E4F1: variants seen among roughly 807,000 people sequenced by gnomAD.
E4F1 encodes the protein transcription factor E4F1.
Under a neutral mutation model 72.9 loss-of-function variants are expected in E4F1, and 30 were observed. The ratio of observed to expected loss-of-function variants is 0.41; its 90% confidence interval spans 0.31 to 0.56. The LOEUF (loss-of-function observed/expected upper bound fraction) is 0.56, where lower values mean the gene tolerates loss of function less well. Ranked by LOEUF, E4F1 falls within the 20% of genes least tolerant of loss-of-function variation. The pLI is 0.25. For missense variants in E4F1, 1,091 were observed against 1,117.5 expected (o/e 0.98, Z 0.34); for synonymous variants, 542 against 478.2 (o/e 1.13, Z -1.74).
At position 2,229,747 on chromosome 16, in the gene E4F1, G is replaced by C. The variant is rs59563983; in HGVS notation, c.415+72G>C. On this transcript the variant is annotated intron_variant, in intron 3 of 13. Coordinates refer to ENST00000301727, the MANE Select transcript of E4F1 (RefSeq NM_004424.5). ...GGGGCCAGAGGATGGGGCCCCTGCT[G>C]CCTGTATGCTCGTCTCTCCCGAGAC... 4 of 1,513,724 alleles carry C rather than the reference G, an allele frequency of 2.6e-6. No individual in the cohort carries two copies. In the East Asian group the frequency reaches 9.1e-5, roughly 34 times the overall value. The allele number at this position is 1,513,724 out of a possible 1,614,324, so 93.8% of individuals were successfully genotyped here.
intron 1 of E4F1, among the ~76,000 whole-genome samples, chr16:2,224,321 C>A (rs1271646092): frequency 2.0e-5 from 3 of 152,258 alleles, no homozygotes; most frequent in Admixed American, 1.3e-4. Context: ...GGGTAGGTGA[C>A]CCTACCTCTG....
intron 2 of E4F1, among the ~76,000 whole-genome samples, 153 bp downstream of exon 2, chr16:2,228,676 T>G (rs2093447418): frequency 1.3e-5 from 2 of 152,010 alleles, no homozygotes; most frequent in South Asian, 4.1e-4. Flanking sequence ...AGGGTCCGGG[T>G]GTGTGAGCCT....
intron 1 of E4F1, among the ~76,000 whole-genome samples, chr16:2,224,466 A>G (rs191517583): frequency 6.6e-6 from 1 of 152,212 alleles, no homozygotes; most frequent in Non-Finnish European, 1.5e-5. Flanking sequence ...CATTTTGGGG[A>G]TGAGGAAAAT....
intron 1 of E4F1, chr16:2,223,977 C>G (rs756374186): frequency 1.3e-6 from 2 of 1,506,932 alleles, no homozygotes; most frequent in African/African-American, 2.8e-5. Flanking sequence ...CCTGTCATCC[C>G]CCCTCTCTGG....
rs777218258 is a variant in E4F1, at chr16:2,223,654, C to G, written c.41C>G (p.Thr14Arg). Residue 14 changes from threonine to arginine, a missense_variant, in exon 1 of 14, where the codon ACG (threonine) becomes AGG (arginine). Around this residue, in one of 5 missense-constraint regions of E4F1, gnomAD observed 362 missense variants for 358.6 expected, o/e 1.01. Coordinates refer to ENST00000301727, the MANE Select transcript of E4F1 (RefSeq NM_004424.5). ...GCAGTGCGGGTGACGGCCGCTCATA[C>G]GGCAGAAGCCCAGGCCGAAGCCGGG... Reference protein sequence around the residue: ...AMAVRVTAAHTAEAQAEAGRE... With the variant: ...AMAVRVTAAHRAEAQAEAGRE... 6.3e-7 allele frequency: 1 copy of G among 1,588,918 alleles called. No homozygotes were observed. The highest frequency in any genetic ancestry group is 8.5e-7 in the Non-Finnish European group (1 of 1,173,722).
intron 1 of E4F1, among the ~76,000 whole-genome samples, chr16:2,225,731 C>T (rs1411938748): frequency 2.7e-5 from 4 of 148,912 alleles, no homozygotes; most frequent in African/African-American, 9.9e-5. Context: ...CTCAGCCTCC[C>T]AAAGTGCTGG....
At chr16:2,233,385 G>A in intron 7 of E4F1, 53 bp from the exon 8 acceptor site, 1 of 1,472,420 alleles carries the variant, frequency 6.8e-7, no homozygotes, top group Non-Finnish European at 9.0e-7. Context: ...CCATGGGGTG[G>A]GTGCTGGATG....
chr16:2,234,669 C>T lies in E4F1; in HGVS notation c.1680C>T (p.Gly560=). 6.3e-7 allele frequency: 1 copy of T among 1,587,898 alleles called. No individual in the cohort carries two copies. The highest frequency in any genetic ancestry group is 1.1e-5 in the South Asian group (1 of 87,640). The part of the protein sequence containing the change: ...QFCSRGFREK[G]SLVRHVRHHT... Reference sequence around the variant, plus strand: ...GCAGCCGTGGCTTCCGAGAGAAGGGCTCACTGGTGCGGCACGTGCGACACC... The same window carrying T: ...GCAGCCGTGGCTTCCGAGAGAAGGGTTCACTGGTGCGGCACGTGCGACACC... Residue 560 remains glycine, a synonymous_variant, in exon 11 of 14, where the codon GGC becomes GGT. Transcript: ENST00000301727.
chr16:2,234,261 G>T lies in E4F1; in HGVS notation c.1466G>T (p.Arg489Leu). ...KKHQEVHVRE[R>L]RFRCGDCGKL... The stretch of plus-strand genomic sequence containing the variant: ...CACCAGGAGGTGCACGTGCGTGAGC[G>T]CCGCTTCCGCTGTGGCGACTGCGGG... The change falls in exon 10 of 14, where the codon CGC (arginine) becomes CTC (leucine). Residue 489 changes from arginine to leucine, a missense_variant. By Grantham distance (102) the Arg-to-Leu change is moderately radical. Coordinates refer to ENST00000301727, the MANE Select transcript of E4F1 (RefSeq NM_004424.5). 1 of 1,612,876 alleles carries T rather than the reference G, an allele frequency of 6.2e-7. No individual in the cohort carries two copies. The highest frequency in any genetic ancestry group is 8.5e-7 in the Non-Finnish European group (1 of 1,179,968).
chr16:2,226,051 C>G (rs1053283489), intron 1 of E4F1, among the ~76,000 whole-genome samples: 1 of 151,960 alleles, frequency 6.6e-6, no homozygotes, highest in Non-Finnish European at 1.5e-5. Context: ...TGAGATCGCC[C>G]CACTGCACTC....
chr16:2,234,193 GCA>G lies in E4F1; in HGVS notation c.1399_1400del (p.Gln467ValfsTer21). 1 of 1,612,354 alleles carries G rather than the reference GCA, an allele frequency of 6.2e-7. No homozygotes were observed. The highest frequency in any genetic ancestry group is 8.5e-7 in the Non-Finnish European group (1 of 1,179,884). On this transcript the variant is annotated frameshift_variant, in exon 10 of 14. Transcript: ENST00000301727. LOFTEE classifies it high-confidence loss of function. ...HTGPRPFACA[Q>X]CGKAFPKAYL... ...CAGGGCCGAGGCCGTTCGCCTGCGC[GCA>G]GTGTGGCAAGGCCTTCCCCAAGGCC... is the stretch of plus-strand genomic sequence containing the variant.
At chr16:2,224,364 C>T (rs1250772595) in intron 1 of E4F1, among the ~76,000 whole-genome samples, 1 of 152,242 alleles carries the variant, frequency 6.6e-6, no homozygotes, top group Non-Finnish European at 1.5e-5. Flanking sequence ...AATGGGGCGG[C>T]GGCTTCTGCC....
At position 2,232,184 on chromosome 16, in the gene E4F1, CA is replaced by C. The variant is rs2093471151; in HGVS notation, c.432del (p.Glu145ArgfsTer38). On this transcript the variant is annotated frameshift_variant, in exon 4 of 14. Coordinates refer to ENST00000301727, the MANE Select transcript of E4F1 (RefSeq NM_004424.5). LOFTEE classifies it high-confidence loss of function. ...ASDLVGGGHI[K>X]EVIVAAEAEL... ...TGCTTCTCCTAGGTGGTGGGCACAT[CA>C]AAGAGGTCATCGTGGCTGCTGAGGC... 1 of 1,611,912 alleles carries C rather than the reference CA, an allele frequency of 6.2e-7. No individual in the cohort carries two copies. Among genetic ancestry groups the C allele is most frequent in the Non-Finnish European group, 8.5e-7 (1 of 1,179,924 alleles).
rs1320667621 is a variant in E4F1 at position 2,225,807 on chromosome 16, A to AT, written c.157+2037_157+2038insT. ...TCTGTTTAGGAAAAAAAAAAAAAAA[A>AT]AAAAAAGGCTGGGCGCAATGGCTCG... On this transcript the variant is annotated intron_variant, in intron 1 of 13. Coordinates refer to ENST00000301727, the MANE Select transcript of E4F1 (RefSeq NM_004424.5). Among the ~76,000 whole-genome samples the AT allele has an allele frequency of 7.2e-3, 957 of 132,194 alleles. 19 individuals are homozygous for AT. Among genetic ancestry groups the AT allele is most frequent in the African/African-American group, 0.038 (905 of 23,820 alleles). 86.7% of individuals were successfully genotyped at this position (132,194 alleles called of 152,430 possible).
At chr16:2,224,930 T>C (rs1487111044) in intron 1 of E4F1, among the ~76,000 whole-genome samples, 1 of 149,412 alleles carries the variant, frequency 6.7e-6, no homozygotes, top group Non-Finnish European at 1.5e-5. Context: ...ATAAAGATTG[T>C]GGCCAGGCGC....
In E4F1 at chr16:2,234,344, C is replaced by T. The variant is rs749481310; in HGVS notation, c.1549C>T (p.Arg517Trp). 1.2e-6 allele frequency: 2 copies of T among 1,612,972 alleles called. No homozygotes were observed. The highest frequency in any genetic ancestry group is 1.1e-5 in the South Asian group (1 of 91,088). The change falls in exon 10 of 14, where the codon CGG becomes TGG. Residue 517 changes from arginine (R) to tryptophan (W), a missense_variant. Physicochemically the swap from Arg to Trp is moderately radical, Grantham distance 101. Coordinates refer to ENST00000301727, the MANE Select transcript of E4F1 (RefSeq NM_004424.5). The part of the protein sequence containing the change: ...RGHRRVHSDE[R>W]PYPCPKCGKR... ...CCACCGGCGCGTCCACTCAGACGAG[C>T]GGCCCTACCCTTGTCCCAAGTGTGG...
chr16:2,227,609 T>C (rs2093439792), intron 1 of E4F1, among the ~76,000 whole-genome samples: 1 of 152,156 alleles, frequency 6.6e-6, no homozygotes. Context: ...CCTGACCTCA[T>C]GATCCGCCCG....
chr16:2,227,723 A>T (rs2093440443), intron 1 of E4F1, among the ~76,000 whole-genome samples: 1 of 151,158 alleles, frequency 6.6e-6, no homozygotes, highest in South Asian at 2.1e-4. Flanking sequence ...CTGGTCTCGA[A>T]CTCCTGACCT....
At chr16:2,231,297 C>G (rs1210001433) in intron 3 of E4F1, 1 of 152,482 alleles carries the variant, frequency 6.6e-6, no homozygotes, top group Non-Finnish European at 1.5e-5. Context: ...CTCCTCTGGC[C>G]TCGCAGCAGC....
Sources: gnomAD v4.1 joint callset for allele counts (sites outside exome capture counted in the v4.1 genomes callset) on GRCh38, gnomAD v4.1.1 for gene constraint, gnomAD v4.1.1 regional missense constraint, MANE v1.5 for transcripts, NCBI Gene and HGNC (gene_info 2026-07-23, HGNC 2026-07-21) for gene names.